PSMD11: variants seen among roughly 807,000 people sequenced by gnomAD.
The protein encoded by PSMD11 is 26S proteasome non-ATPase regulatory subunit 11.
PSMD11 carries 5 observed loss-of-function variants against 62.3 expected under a neutral mutation model. That is an observed-to-expected ratio of 0.08 (90% CI 0.04 to 0.17). The LOEUF (loss-of-function observed/expected upper bound fraction) is 0.17. Among genes scored for constraint, PSMD11 ranks in the 10% least tolerant of loss-of-function variants. PSMD11 has a pLI of 1.00. For missense variants in PSMD11, 310 were observed against 512.9 expected (o/e 0.60, Z 3.82); for synonymous variants, 191 against 191.8 (o/e 1.00, Z 0.03).
At chr17:32,465,022 C>G (rs1476434860) in intron 5 of PSMD11, among the ~76,000 whole-genome samples, 1 of 151,236 alleles carries the variant, frequency 6.6e-6, no homozygotes, top group Non-Finnish European at 1.5e-5. Flanking sequence ...TATTTGGAAG[C>G]TGGAGTGGCT....
chr17:32,474,859 T>C (rs767141673), intron 8 of PSMD11, 35 bp downstream of exon 8: 12 of 1,580,518 alleles, frequency 7.6e-6, no homozygotes. Context: ...CTGCTCACTC[T>C]GAGACCAGCA....
At chr17:32,444,819 G>C (rs1275255146) in intron 1 of PSMD11, 2 of 600,878 alleles carry the variant, frequency 3.3e-6, no homozygotes, top group Non-Finnish European at 2.8e-6. Context: ...GCAATCCCCG[G>C]GTCCCCTCGC....
intron 3 of PSMD11, 87 bp downstream of exon 3, chr17:32,454,706 T>C (rs888227572): frequency 6.3e-6 from 9 of 1,422,960 alleles, no homozygotes; most frequent in Admixed American, 2.1e-5. Flanking sequence ...TTAGTACTAA[T>C]GTGGAAGGGA....
intron 5 of PSMD11, among the ~76,000 whole-genome samples, chr17:32,468,661 G>C (rs1197863283): frequency 6.6e-6 from 1 of 152,172 alleles, no homozygotes; most frequent in African/African-American, 2.4e-5. Flanking sequence ...TGCTAGACAA[G>C]AAGAGAGCGA....
At chr17:32,468,286 GTTGT>G (rs759629232) in intron 5 of PSMD11, among the ~76,000 whole-genome samples, 1 of 152,056 alleles carries the variant, frequency 6.6e-6, no homozygotes, top group Non-Finnish European at 1.5e-5. Context: ...TGTTCTGTGG[GTTGT>G]TTTTTTCCTT....
chr17:32,470,975 T>C (rs981422300), intron 6 of PSMD11, among the ~76,000 whole-genome samples: 1 of 152,196 alleles, frequency 6.6e-6, no homozygotes, highest in African/African-American at 2.4e-5. Flanking sequence ...CAATAAATGG[T>C]GAAGTCAGAA....
In PSMD11 at chr17:32,482,678, T is replaced by C. The variant is rs1235521807; in HGVS notation, c.*1926T>C. The C allele has an allele frequency of 2.6e-5, 4 of 152,326 alleles. No homozygotes were observed. The highest frequency in any genetic ancestry group is 9.6e-5 in the African/African-American group (4 of 41,462). The allele number at this position is 152,326 out of a possible 1,614,324, so 9.4% of individuals were successfully genotyped here. On this transcript the variant is annotated 3_prime_UTR_variant, in exon 14 of 14. Transcript: ENST00000261712. ...TACTTTCTCTTCTACTCAGTGAGGA[T>C]GCTGCTTCCTTGGCAGGTGATTGTG...
intron 5 of PSMD11, among the ~76,000 whole-genome samples, chr17:32,465,581 GAT>G (rs1275011094): frequency 6.6e-6 from 1 of 152,126 alleles, no homozygotes; most frequent in East Asian, 1.9e-4. Context: ...ACTTTAATAA[GAT>G]ATGGTTCACT....
rs752125705 is a variant in PSMD11, at chr17:32,464,106, C to T, written c.376C>T (p.Arg126Cys). The T allele has an allele frequency of 2.2e-5, 35 of 1,613,758 alleles. No individual in the cohort carries two copies. Among genetic ancestry groups the T allele is most frequent in the Middle Eastern group, 1.6e-4 (1 of 6,082 alleles). ...CAAGTCAGAGAAAAGAACTTTCTTA[C>T]GCCAAGCTTTGGAGGTAGGTTTTAC... The part of the protein sequence containing the change: ...WAKSEKRTFL[R>C]QALEARLVSL... Residue 126 changes from arginine to cysteine, a missense_variant, in exon 4 of 14, where the codon CGC becomes TGC. Physicochemically the swap from Arg to Cys is radical, Grantham distance 180. This residue lies in a region of PSMD11 where 47 missense variants were observed against 59.0 expected (regional missense o/e 0.80). Transcript: ENST00000261712.
Position 32,482,895 on chromosome 17 carries a change from T to G in PSMD11, c.*2143T>G, listed in dbSNP as rs1908547399. On this transcript the variant is annotated 3_prime_UTR_variant, in exon 14 of 14. Coordinates refer to ENST00000261712, the MANE Select transcript of PSMD11 (RefSeq NM_002815.4). The stretch of plus-strand genomic sequence containing the variant: ...TTCAGTCTGAGCAGTTCAGCCATTG[T>G]CAGTTTTAGTATTGTGTCTCTGTAT... 2 of 152,234 alleles carry G rather than the reference T, an allele frequency of 1.3e-5. 1 individual carries two copies. The highest frequency in any genetic ancestry group is 2.9e-5 in the Non-Finnish European group (2 of 68,048). The allele number at this position is 152,234 out of a possible 1,614,324, so 9.4% of individuals were successfully genotyped here.
Position 32,480,478 on chromosome 17 carries a change from G to GT in PSMD11, c.1127-8dup. ...CATCTTTTACCTGGGTTGCCCTTGT[G>GT]TTTCTTGCAGGGATTTTGGACCAGG... is the stretch of plus-strand genomic sequence containing the variant. On this transcript the variant is annotated splice_polypyrimidine_tract_variant and intron_variant, in intron 12 of 13. Transcript: ENST00000261712. 1 of 1,614,164 alleles carries GT rather than the reference G, an allele frequency of 6.2e-7. No homozygotes were observed.
At chr17:32,472,864 A>G (rs1343133833) in intron 6 of PSMD11, among the ~76,000 whole-genome samples, 1 of 137,924 alleles carries the variant, frequency 7.3e-6, no homozygotes, top group Non-Finnish European at 1.5e-5. Flanking sequence ...TTTTTTTAAG[A>G]GACAAGGTCG....
chr17:32,477,990 C>T (rs1908379704), intron 9 of PSMD11, among the ~76,000 whole-genome samples: 1 of 152,178 alleles, frequency 6.6e-6, no homozygotes, highest in African/African-American at 2.4e-5. Flanking sequence ...GTAGGCATTC[C>T]TTCAGCTCCA....
chr17:32,444,632 G>A lies in PSMD11; in HGVS notation c.91+18G>A. 2 of 1,609,508 alleles carry A rather than the reference G, an allele frequency of 1.2e-6. No homozygotes were observed. The highest frequency in any genetic ancestry group is 2.2e-5 in the South Asian group (2 of 90,864). The stretch of plus-strand genomic sequence containing the variant: ...CTCCATCGGTAAAGGTCGCCGCGCC[G>A]CCTCCCCGGCCCCGCCGGCCCAGCT... On this transcript the variant is annotated intron_variant, in intron 1 of 13. Coordinates refer to ENST00000261712, the MANE Select transcript of PSMD11 (RefSeq NM_002815.4).
At chr17:32,472,814 G>A (rs185960816) in intron 6 of PSMD11, among the ~76,000 whole-genome samples, 75 of 151,502 alleles carry the variant, frequency 5.0e-4, no homozygotes, top group African/African-American at 1.8e-3. Context: ...TGGGATTACA[G>A]GCATGAGCCA....
chr17:32,447,137 G>A, intron 2 of PSMD11, 91 bp downstream of exon 2: 1 of 998,700 alleles, frequency 1.0e-6, no homozygotes, highest in Non-Finnish European at 1.4e-6. Flanking sequence ...TCCACAAACT[G>A]AATTCAGCTT....
At position 32,458,568 on chromosome 17, in the gene PSMD11, G is replaced by A. The variant is rs1232361786; in HGVS notation, c.318+3949G>A. 5.9e-5 allele frequency among the ~76,000 whole-genome samples: 9 copies of A among 152,140 alleles called. No individual in the cohort carries two copies. The East Asian group carries it at 1.5e-3, about 26-fold the overall frequency. ...GAGTATTCTGCCTTGTATGACAGTG[G>A]CTTTACACTTGCCTTGTCTCCTTTA... On this transcript the variant is annotated intron_variant, in intron 3 of 13. Coordinates refer to ENST00000261712, the MANE Select transcript of PSMD11 (RefSeq NM_002815.4).
At chr17:32,473,156 C>CAA (rs111700075) in intron 6 of PSMD11, among the ~76,000 whole-genome samples, 7 of 139,348 alleles carry the variant, frequency 5.0e-5, no homozygotes, top group African/African-American at 1.8e-4. Flanking sequence ...AGACTCGGCT[C>CAA]AAAAAAAAAA....
At chr17:32,454,894 C>T (rs1158207839) in intron 3 of PSMD11, 1 of 304,770 alleles carries the variant, frequency 3.3e-6, no homozygotes, top group Non-Finnish European at 6.2e-6. Context: ...TATTGCCACA[C>T]CTTTGTAATG....
Sources: gnomAD v4.1 joint callset for allele counts (sites outside exome capture counted in the v4.1 genomes callset) on GRCh38, gnomAD v4.1.1 for gene constraint, gnomAD v4.1.1 regional missense constraint, MANE v1.5 for transcripts, NCBI Gene and HGNC (gene_info 2026-07-23, HGNC 2026-07-21) for gene names.